DIAPH2: variants seen among roughly 807,000 people sequenced by gnomAD.
The protein encoded by DIAPH2 is protein diaphanous homolog 2.
Under a neutral mutation model 92.7 loss-of-function variants are expected in DIAPH2, and 35 were observed. That is an observed-to-expected ratio of 0.38 (90% CI 0.29 to 0.50). The LOEUF is 0.50. Among genes scored for constraint, DIAPH2 ranks in the 20% least tolerant of loss-of-function variants. The pLI, the probability that DIAPH2 is intolerant of heterozygous loss-of-function variation, is 0.94. For missense variants in DIAPH2, 701 were observed against 819.5 expected (o/e 0.86, Z 1.77); for synonymous variants, 301 against 280.4 (o/e 1.07, Z -0.73).
intron 26 of DIAPH2, 119 bp from the exon 27 acceptor site, chrX:97,599,134 C>G (rs1023482665): frequency 1.0e-5 from 4 of 400,326 alleles, no homozygotes; most frequent in Non-Finnish European, 1.7e-5. Context: ...TACTTATTTA[C>G]ATTTTCATTT....
intron 25 of DIAPH2, among the ~76,000 whole-genome samples, chrX:97,413,512 C>T (rs1218739014): frequency 9.0e-6 from 1 of 111,287 alleles, no homozygotes; most frequent in African/African-American, 3.3e-5. Flanking sequence ...GATGCCCTCT[C>T]TCACCACTCC....
intron 23 of DIAPH2, among the ~76,000 whole-genome samples, chrX:97,344,760 G>A (rs1254595530): frequency 4.5e-5 from 5 of 112,112 alleles, no homozygotes; most frequent in Non-Finnish European, 9.4e-5. Flanking sequence ...TATGAAATTC[G>A]GTATCACTAC....
At chrX:96,728,332 C>A (rs997986720) in intron 1 of DIAPH2, among the ~76,000 whole-genome samples, 14 of 110,101 alleles carry the variant, frequency 1.3e-4, no homozygotes, top group Admixed American at 1.2e-3. Context: ...GCCTCAGTCT[C>A]CCAAGTAGCT....
chrX:97,209,001 C>T (rs1455635117), intron 22 of DIAPH2, among the ~76,000 whole-genome samples: 2 of 110,644 alleles, frequency 1.8e-5, no homozygotes, highest in South Asian at 7.7e-4. Flanking sequence ...GCTACCCTTA[C>T]TACATAATCA....
intron 22 of DIAPH2, among the ~76,000 whole-genome samples, chrX:97,211,217 A>C (rs748486731): frequency 9.0e-6 from 1 of 111,723 alleles, no homozygotes; most frequent in Non-Finnish European, 1.9e-5. Context: ...CTCATTTGAA[A>C]AGAAACATTT....
chrX:97,237,832 C>T (rs758103228), intron 22 of DIAPH2, among the ~76,000 whole-genome samples: 171 of 111,213 alleles, frequency 1.5e-3, no homozygotes, highest in Non-Finnish European at 1.5e-3. Flanking sequence ...CCACCCGCCT[C>T]GGCCTCCCAA....
At chrX:97,198,340 G>A (rs150036143) in intron 22 of DIAPH2, among the ~76,000 whole-genome samples, 2,431 of 107,345 alleles carry the variant, frequency 0.023, 48 homozygotes, top group Non-Finnish European at 0.034. Context: ...ACGCATATGT[G>A]TGTATATATA....
At chrX:97,383,762 A>G in intron 24 of DIAPH2, 147 bp from the exon 25 acceptor site, 1 of 458,739 alleles carries the variant, frequency 2.2e-6, no homozygotes, top group Non-Finnish European at 3.3e-6. Flanking sequence ...AAACTGTGCA[A>G]TTTCTCCATT....
intron 26 of DIAPH2, among the ~76,000 whole-genome samples, chrX:97,564,187 C>G (rs1416421645): frequency 8.9e-6 from 1 of 112,220 alleles, no homozygotes; most frequent in Admixed American, 9.4e-5. Flanking sequence ...TGTGAGGACA[C>G]AATGTTCATC....
At chrX:97,557,323 G>C (rs2071264448) in intron 26 of DIAPH2, among the ~76,000 whole-genome samples, 1 of 111,776 alleles carries the variant, frequency 8.9e-6, no homozygotes, top group African/African-American at 3.3e-5. Context: ...CAGATCACCT[G>C]AGGTCAGGAG....
chrX:96,967,008 C>A (rs985750273), intron 17 of DIAPH2, among the ~76,000 whole-genome samples: 1 of 111,706 alleles, frequency 9.0e-6, no homozygotes, highest in Non-Finnish European at 1.9e-5. Flanking sequence ...TATTCACAGG[C>A]AATTTTATTT....
intron 5 of DIAPH2, chrX:96,884,445 CGTT>C: frequency 8.3e-7 from 1 of 1,210,959 alleles, no homozygotes; most frequent in Non-Finnish European, 1.1e-6. Flanking sequence ...GAATTCAGGA[CGTT>C]GTACCGTGTA....
At chrX:97,425,224 C>G (rs1481313188) in intron 25 of DIAPH2, among the ~76,000 whole-genome samples, 1 of 111,364 alleles carries the variant, frequency 9.0e-6, no homozygotes, top group East Asian at 2.8e-4. Context: ...AATTCTGCTT[C>G]TCCTGACTGC....
chrX:97,167,377 A>G (rs1047407623), intron 22 of DIAPH2, among the ~76,000 whole-genome samples: 11 of 111,974 alleles, frequency 9.8e-5, no homozygotes, highest in Admixed American at 9.6e-5. Context: ...ATAAGCACAC[A>G]TTCCATTAAC....
chrX:96,773,944 C>T, intron 4 of DIAPH2, among the ~76,000 whole-genome samples: 3 of 111,878 alleles, frequency 2.7e-5, no homozygotes, highest in African/African-American at 9.7e-5. Flanking sequence ...TGTTTGTGTT[C>T]CAGTCTGTGG....
At chrX:96,790,945 T>A (rs746706083) in intron 4 of DIAPH2, among the ~76,000 whole-genome samples, 1 of 111,622 alleles carries the variant, frequency 9.0e-6, no homozygotes, top group Admixed American at 9.5e-5. Flanking sequence ...CAGTGCTGTC[T>A]GTGTGTAATA....
chrX:97,335,379 T>C (rs2069049183), intron 23 of DIAPH2, among the ~76,000 whole-genome samples: 1 of 111,978 alleles, frequency 8.9e-6, no homozygotes, highest in Admixed American at 9.6e-5. Context: ...CAGTTTCTTA[T>C]ATATTATCGC....
intron 23 of DIAPH2, 67 bp from the exon 24 acceptor site, chrX:97,348,049 C>G: frequency 9.8e-7 from 1 of 1,021,012 alleles, no homozygotes; most frequent in South Asian, 2.1e-5. Flanking sequence ...TTAATTTAAT[C>G]TTAACATCTA....
intron 22 of DIAPH2, among the ~76,000 whole-genome samples, chrX:97,189,057 A>G (rs1376415565): frequency 8.9e-6 from 1 of 111,971 alleles, no homozygotes; most frequent in Non-Finnish European, 1.9e-5. Flanking sequence ...TGGCAAGATT[A>G]CTTTTTCTTC....
Sources: allele counts gnomAD v4.1 joint callset (sites outside exome capture counted in the v4.1 genomes callset), GRCh38; gene constraint gnomAD v4.1.1; transcripts MANE v1.5; gene names NCBI Gene and HGNC (gene_info 2026-07-23, HGNC 2026-07-21).